The following GRIP1 variants were observed in gnomAD, a reference collection of about 807,000 sequenced individuals.
GRIP1 encodes the protein glutamate receptor-interacting protein 1.
Under a neutral mutation model 129.9 loss-of-function variants are expected in GRIP1, and 45 were observed. That is an observed-to-expected ratio of 0.35 (90% CI 0.27 to 0.44). GRIP1 has a LOEUF of 0.44. Ranked by LOEUF, GRIP1 falls within the 20% of genes least tolerant of loss-of-function variation. The pLI is 1.00. For missense variants in GRIP1, 1,196 were observed against 1,396.8 expected, an observed-to-expected ratio of 0.86 and a Z score of 2.29; for synonymous variants, 530 against 520.8, an observed-to-expected ratio of 1.02 and a Z score of -0.24.
rs146648547 is a variant in GRIP1 at position 66,452,808 on chromosome 12, G to A, written c.1354+2601C>T. Among the ~76,000 whole-genome samples the A allele has an allele frequency of 1.8e-3, 269 of 152,068 alleles. 2 individuals are homozygous for A. Among genetic ancestry groups the A allele is most frequent in the African/African-American group, 5.9e-3 (245 of 41,456 alleles). ...ATTTGGGAAGACCTTTACATCTAAT[G>A]TGACCATACCAAACCTATGCAATAA... On this transcript the variant is annotated intron_variant, in intron 11 of 24. Transcript: ENST00000359742.
chr12:66,630,605 G>T (rs762166086), intron 1 of GRIP1, among the ~76,000 whole-genome samples: 1 of 152,160 alleles, frequency 6.6e-6, no homozygotes, highest in African/African-American at 2.4e-5. Context: ...TGTCTTAAAG[G>T]CCATACATTC....
At chr12:66,489,631 GA>G in intron 7 of GRIP1, among the ~76,000 whole-genome samples, 1 of 152,246 alleles carries the variant, frequency 6.6e-6, no homozygotes, top group Non-Finnish European at 1.5e-5. Context: ...TCAGGCAATA[GA>G]AAGAAATAAA....
chr12:66,690,128 C>T (rs1416816731), intron 1 of GRIP1, among the ~76,000 whole-genome samples: 1 of 151,942 alleles, frequency 6.6e-6, no homozygotes, highest in Non-Finnish European at 1.5e-5. Context: ...CTACATTGCC[C>T]AGGCTGGTCT....
chr12:66,421,200 A>G (rs2137838520), intron 14 of GRIP1, among the ~76,000 whole-genome samples: 1 of 152,282 alleles, frequency 6.6e-6, no homozygotes, highest in South Asian at 2.1e-4. Flanking sequence ...AATATGCCAT[A>G]TATCACTTCA....
At chr12:67,052,934 C>T (rs556162938) in intron 1 of GRIP1, among the ~76,000 whole-genome samples, 1 of 152,130 alleles carries the variant, frequency 6.6e-6, no homozygotes, top group Non-Finnish European at 1.5e-5. Flanking sequence ...GACTTAGAAT[C>T]CAATTCAGAT....
chr12:66,627,285 T>C (rs1471590482), intron 1 of GRIP1, among the ~76,000 whole-genome samples: 2 of 152,208 alleles, frequency 1.3e-5, no homozygotes, highest in African/African-American at 4.8e-5. Context: ...CTACCAAATC[T>C]CTGGCAGGAC....
At chr12:66,551,099 C>T (rs916092423) in intron 2 of GRIP1, among the ~76,000 whole-genome samples, 1 of 152,208 alleles carries the variant, frequency 6.6e-6, no homozygotes, top group African/African-American at 2.4e-5. Context: ...CTCTGATTTT[C>T]AATGTTCCCT....
At chr12:66,610,144 T>C (rs2064727218) in intron 1 of GRIP1, among the ~76,000 whole-genome samples, 3 of 152,126 alleles carry the variant, frequency 2.0e-5, no homozygotes, top group South Asian at 2.1e-4. Context: ...TGTGTAAACA[T>C]TGTTTAAAGT....
At chr12:66,956,737 T>C (rs2041847534) in intron 1 of GRIP1, among the ~76,000 whole-genome samples, 1 of 152,196 alleles carries the variant, frequency 6.6e-6, no homozygotes, top group Non-Finnish European at 1.5e-5. Flanking sequence ...TACTAGGGAA[T>C]GGTATTTAGA....
chr12:66,578,230 C>A (rs557965817), intron 2 of GRIP1, among the ~76,000 whole-genome samples: 1 of 24,378 alleles, frequency 4.1e-5, no homozygotes, highest in Non-Finnish European at 7.9e-5. Flanking sequence ...GGCAAAACCG[C>A]GGTTTTTTTT....
At chr12:66,748,328 T>C (rs779152254) in intron 1 of GRIP1, among the ~76,000 whole-genome samples, 1 of 152,216 alleles carries the variant, frequency 6.6e-6, no homozygotes, top group Admixed American at 6.5e-5. Flanking sequence ...CAGTTACTTA[T>C]GTAAGAATTT....
intron 1 of GRIP1, among the ~76,000 whole-genome samples, chr12:66,620,672 C>CT (rs976208345): frequency 1.3e-5 from 2 of 151,786 alleles, no homozygotes; most frequent in Admixed American, 6.6e-5. Flanking sequence ...CTTTCTTTTT[C>CT]TTTTTTTTCT....
chr12:66,941,861 T>G (rs2041591942), intron 1 of GRIP1, among the ~76,000 whole-genome samples: 1 of 152,244 alleles, frequency 6.6e-6, no homozygotes. Flanking sequence ...AATCCATATC[T>G]GTAAATTTAT....
intron 2 of GRIP1, among the ~76,000 whole-genome samples, chr12:66,575,585 A>G (rs2063113302): frequency 6.6e-6 from 1 of 152,216 alleles, no homozygotes; most frequent in African/African-American, 2.4e-5. Flanking sequence ...AACCACCTTC[A>G]TCTGGCCTCC....
chr12:66,996,964 G>T (rs2042476407), intron 1 of GRIP1, among the ~76,000 whole-genome samples: 1 of 152,134 alleles, frequency 6.6e-6, no homozygotes, highest in Non-Finnish European at 1.5e-5. Context: ...TGGGGCATGA[G>T]TTCCCCACAC....
chr12:66,859,790 C>T (rs1325378933), intron 1 of GRIP1, among the ~76,000 whole-genome samples: 1 of 152,044 alleles, frequency 6.6e-6, no homozygotes, highest in Non-Finnish European at 1.5e-5. Context: ...ATTCAACATC[C>T]TGATGAACAC....
chr12:66,428,502 CAA>C, intron 14 of GRIP1, among the ~76,000 whole-genome samples: 1 of 152,134 alleles, frequency 6.6e-6, no homozygotes, highest in East Asian at 1.9e-4. Flanking sequence ...ACTGTACTCA[CAA>C]AATACTGTCT....
chr12:67,042,989 A>G (rs1246776062), intron 1 of GRIP1, among the ~76,000 whole-genome samples: 3 of 152,308 alleles, frequency 2.0e-5, no homozygotes, highest in Non-Finnish European at 1.5e-5. Flanking sequence ...TGGAATGACA[A>G]AGGATCCCAG....
chr12:66,416,059 A>G (rs999215590), intron 15 of GRIP1, among the ~76,000 whole-genome samples: 19 of 152,072 alleles, frequency 1.2e-4, no homozygotes, highest in African/African-American at 4.3e-4. Flanking sequence ...CTGCACATGT[A>G]CCCTGGAACT....
Sources: gnomAD v4.1 joint callset for allele counts (sites outside exome capture counted in the v4.1 genomes callset) on GRCh38, gnomAD v4.1.1 for gene constraint, MANE v1.5 for transcripts, NCBI Gene and HGNC (gene_info 2026-07-23, HGNC 2026-07-21) for gene names.